CIT: variants seen among roughly 807,000 people sequenced by gnomAD.
The protein encoded by CIT is citron Rho-interacting kinase.
A neutral mutation model predicts 272.7 loss-of-function variants in CIT; 79 were observed. That is an observed-to-expected ratio of 0.29 (90% CI 0.24 to 0.35). CIT has a LOEUF of 0.35. Among genes scored for constraint, CIT ranks in the 10% least tolerant of loss-of-function variants. The probability of loss-of-function intolerance (pLI) is 1.00; values close to 1 mark genes in which losing one functional copy is unlikely to be tolerated. For synonymous variants in CIT, 948 were observed against 995.6 expected (o/e 0.95, Z 0.90); for missense variants, 1,909 against 2,618.3 (o/e 0.73, Z 5.91).
Position 119,718,336 on chromosome 12 carries a change from G to A in CIT, c.4077C>T (p.Ser1359=), listed in dbSNP as rs278102. 425,570 of 1,613,652 alleles carry A rather than the reference G, an allele frequency of 0.26. 58,999 individuals carry two copies. Among genetic ancestry groups the A allele is most frequent in the Middle Eastern group, 0.31 (1,877 of 6,062 alleles). The change falls in exon 32 of 48, where the codon TCC becomes TCT. Residue 1359 remains serine, a synonymous_variant. Transcript: ENST00000392521. This position sits in a 1 kb window ranked among gnomAD's most constrained non-coding sequence, Gnocchi z 4.8. Reference sequence around the variant, plus strand: ...GGTGCTCTGGCGACCGCACGATGGCGGACATGGCGATCTGCTGCCTCGCGG... The same window carrying A: ...GGTGCTCTGGCGACCGCACGATGGCAGACATGGCGATCTGCTGCCTCGCGG... ...PATARQQIAM[S]AIVRSPEHQP...
chr12:119,774,958 G>GT (rs1383498013), intron 16 of CIT, among the ~76,000 whole-genome samples: 1 of 150,604 alleles, frequency 6.6e-6, no homozygotes, highest in Non-Finnish European at 1.5e-5. Flanking sequence ...GGGTGACAGA[G>GT]TGAGACCCTG....
In CIT at chr12:119,697,522, A is replaced by G; in HGVS notation, c.5882+137T>C. On this transcript the variant is annotated intron_variant, in intron 46 of 47. Coordinates refer to ENST00000392521, the MANE Select transcript of CIT (RefSeq NM_001206999.2). The surrounding 1 kb of genome is among the most constrained non-coding windows in gnomAD (Gnocchi z 4.9). ...GGTCTGTGTTATTTCAGTGCCGCAG[A>G]TCGCAAACAAATGAATGGTTTGAGC... 1 of 935,086 alleles carries G rather than the reference A, an allele frequency of 1.1e-6. No individual in the cohort carries two copies. Among genetic ancestry groups the G allele is most frequent in the East Asian group, 2.4e-5 (1 of 41,548 alleles). The allele number at this position is 935,086 out of a possible 1,614,324, so 57.9% of individuals were successfully genotyped here. A position where few individuals can be genotyped will look rare whatever the true frequency, so the allele number is the denominator to read the frequency against.
chr12:119,718,966 T>C lies in CIT; in HGVS notation c.3841-105A>G. ...GAGCAAACCACAAAAGCCAGGAGCATACTCACTGTAAGTGTATTTAGTAAA... is the reference window on the plus strand; with the variant it reads ...GAGCAAACCACAAAAGCCAGGAGCACACTCACTGTAAGTGTATTTAGTAAA... On this transcript the variant is annotated intron_variant, in intron 30 of 47. Coordinates refer to ENST00000392521, the MANE Select transcript of CIT (RefSeq NM_001206999.2). The surrounding 1 kb of genome is among the most constrained non-coding windows in gnomAD (Gnocchi z 4.8). The C allele has an allele frequency of 9.1e-7, 1 of 1,104,816 alleles. No homozygotes were observed. The highest frequency in any genetic ancestry group is 1.3e-6 in the Non-Finnish European group (1 of 751,736). 68.4% of individuals were successfully genotyped at this position (1,104,816 alleles called of 1,614,324 possible).
chr12:119,815,826 T>C (rs182196364), intron 9 of CIT, among the ~76,000 whole-genome samples: 2 of 152,214 alleles, frequency 1.3e-5, no homozygotes, highest in East Asian at 1.9e-4. Context: ...AAACTGACAA[T>C]AGTGGTTCGC....
At position 119,690,481 on chromosome 12, in the gene CIT, G is replaced by C. The variant is rs755372796; in HGVS notation, c.5883-27C>G. The C allele has an allele frequency of 2.6e-6, 4 of 1,544,044 alleles. No individual in the cohort carries two copies. The highest frequency in any genetic ancestry group is 3.5e-6 in the Non-Finnish European group (4 of 1,156,542). Reference sequence around the variant, plus strand: ...TGGCGACACAAGAGGAACGTAGGGAGCTGCGAGGCCACAACCCCAGAGGGG... The same window carrying C: ...TGGCGACACAAGAGGAACGTAGGGACCTGCGAGGCCACAACCCCAGAGGGG... On this transcript the variant is annotated intron_variant, in intron 46 of 47. Coordinates refer to ENST00000392521, the MANE Select transcript of CIT (RefSeq NM_001206999.2). The surrounding 1 kb of genome is among the most constrained non-coding windows in gnomAD (Gnocchi z 6.0).
chr12:119,847,759 C>T lies in CIT; in HGVS notation c.516+2415G>A, dbSNP rs546138417. Reference sequence around the variant, plus strand: ...TACAAAAATTAGCAGGGCGTGGTGTCATGCACCTGTAATCCCAGCTACTCG... The same window carrying T: ...TACAAAAATTAGCAGGGCGTGGTGTTATGCACCTGTAATCCCAGCTACTCG... On this transcript the variant is annotated intron_variant, in intron 5 of 47. Transcript: ENST00000392521. Among the ~76,000 whole-genome samples the T allele has an allele frequency of 2.0e-5, 3 of 152,060 alleles. No homozygotes were observed. In the East Asian group the frequency reaches 5.8e-4, roughly 29 times the overall value.
At chr12:119,841,433 C>T (rs1265077929) in intron 5 of CIT, among the ~76,000 whole-genome samples, 1 of 152,094 alleles carries the variant, frequency 6.6e-6, no homozygotes, top group East Asian at 1.9e-4. Context: ...CCTCGGCCTC[C>T]CAAAGTGCTG....
chr12:119,725,707 G>T (rs1199226385), intron 28 of CIT, among the ~76,000 whole-genome samples: 1 of 152,178 alleles, frequency 6.6e-6, no homozygotes, highest in East Asian at 1.9e-4. Context: ...TGAGAAGGAG[G>T]GAACTGAATT....
At chr12:119,744,122 G>A (rs998285837) in intron 23 of CIT, among the ~76,000 whole-genome samples, 1 of 152,150 alleles carries the variant, frequency 6.6e-6, no homozygotes. Flanking sequence ...TCATTCAAGC[G>A]AGAGATGATA....
intron 2 of CIT, among the ~76,000 whole-genome samples, chr12:119,869,655 C>G (rs1386991016): frequency 6.6e-6 from 1 of 152,080 alleles, no homozygotes; most frequent in Non-Finnish European, 1.5e-5. Flanking sequence ...AACTGAGTGA[C>G]CATCGTAAAG....
chr12:119,698,269 T>G, intron 44 of CIT: 1 of 607,200 alleles, frequency 1.6e-6, no homozygotes, highest in East Asian at 2.8e-5. Context: ...AACTCAAGTG[T>G]ACAGTGTAGG....
At chr12:119,819,590 G>A (rs908165793) in intron 9 of CIT, among the ~76,000 whole-genome samples, 6 of 152,300 alleles carry the variant, frequency 3.9e-5, no homozygotes, top group Admixed American at 3.3e-4. Context: ...GAAGAATTGG[G>A]GGTGAAACCG....
At chr12:119,868,928 G>T in intron 3 of CIT, 132 bp downstream of exon 3, 1 of 1,073,678 alleles carries the variant, frequency 9.3e-7, no homozygotes, top group Non-Finnish European at 1.3e-6. Flanking sequence ...GCCTGAATTT[G>T]AACCTGGATC....
chr12:119,798,957 T>A (rs796403729), intron 10 of CIT, among the ~76,000 whole-genome samples: 1 of 152,358 alleles, frequency 6.6e-6, no homozygotes, highest in African/African-American at 2.4e-5. Flanking sequence ...CTGTTTTGAC[T>A]TGTTCAACTT....
At chr12:119,692,024 T>A (rs1955978744) in intron 46 of CIT, among the ~76,000 whole-genome samples, 1 of 152,242 alleles carries the variant, frequency 6.6e-6, no homozygotes, top group Non-Finnish European at 1.5e-5. Flanking sequence ...ATTCCAAAAA[T>A]GAACCAAGCA....
intron 8 of CIT, among the ~76,000 whole-genome samples, chr12:119,824,788 T>TTTTTG (rs918037278): frequency 2.6e-5 from 4 of 152,086 alleles, no homozygotes; most frequent in Non-Finnish European, 1.5e-5. Flanking sequence ...ATTTTTTGGT[T>TTTTTG]TTTTGTTTTG....
At chr12:119,834,723 TC>T (rs1347255962) in intron 5 of CIT, among the ~76,000 whole-genome samples, 9 of 152,208 alleles carry the variant, frequency 5.9e-5, no homozygotes, top group Admixed American at 5.2e-4. Flanking sequence ...TGTGAAAATA[TC>T]CCCTTTGACC....
At chr12:119,757,284 T>C (rs1455027635) in intron 22 of CIT, 87 bp downstream of exon 22, 6 of 1,506,368 alleles carry the variant, frequency 4.0e-6, no homozygotes, top group African/African-American at 1.4e-5. Context: ...GTCTCTTGTA[T>C]AGATATTGAT....
At chr12:119,776,597 T>A in intron 14 of CIT, 75 bp downstream of exon 14, 1 of 1,434,908 alleles carries the variant, frequency 7.0e-7, no homozygotes, top group Non-Finnish European at 9.5e-7. Flanking sequence ...CTCATTAAAC[T>A]AGGTTCTCCT....
Sources: allele counts gnomAD v4.1 joint callset (sites outside exome capture counted in the v4.1 genomes callset), GRCh38; gene constraint gnomAD v4.1.1; non-coding constraint Gnocchi (gnomAD v3.1); transcripts MANE v1.5; gene names NCBI Gene and HGNC (gene_info 2026-07-23, HGNC 2026-07-21).